Variants in RIMS1 observed in about 807,000 individuals in gnomAD.
RIMS1 encodes regulating synaptic membrane exocytosis 1.
In RIMS1, 83 loss-of-function variants were observed where a neutral mutation model predicts 214.1. The ratio of observed to expected loss-of-function variants is 0.39; its 90% CI spans 0.32 to 0.47. RIMS1 has a LOEUF of 0.47. Among genes scored for constraint, RIMS1 ranks in the 20% least tolerant of loss-of-function variants. RIMS1 has a pLI of 0.99. For synonymous variants in RIMS1, 793 were observed against 786.8 expected (o/e 1.01, Z -0.13); for missense variants, 2,050 against 2,161.8 (o/e 0.95, Z 1.03).
intron 1 of RIMS1, among the ~76,000 whole-genome samples, chr6:71,900,561 A>T (rs1773288512): frequency 6.6e-6 from 1 of 152,096 alleles, no homozygotes; most frequent in Admixed American, 6.6e-5. Flanking sequence ...TTAGAAGCAG[A>T]AACTTTGGTG....
At chr6:72,382,123 T>C (rs570380560) in intron 29 of RIMS1, among the ~76,000 whole-genome samples, 1 of 152,218 alleles carries the variant, frequency 6.6e-6, no homozygotes, top group East Asian at 1.9e-4. Flanking sequence ...GGAAGGAAAA[T>C]AGTGGAGTTT....
intron 6 of RIMS1, among the ~76,000 whole-genome samples, chr6:72,206,270 T>G (rs1180314848): frequency 6.6e-6 from 1 of 152,212 alleles, no homozygotes; most frequent in Non-Finnish European, 1.5e-5. Context: ...ACCTTCACTT[T>G]TCAATGAAGT....
At chr6:71,896,469 T>G (rs1311816013) in intron 1 of RIMS1, among the ~76,000 whole-genome samples, 1 of 152,100 alleles carries the variant, frequency 6.6e-6, no homozygotes, top group Non-Finnish European at 1.5e-5. Flanking sequence ...ACAACTATGA[T>G]GGATAATCAG....
chr6:72,143,623 T>C (rs1388185178), intron 4 of RIMS1, among the ~76,000 whole-genome samples: 3 of 152,218 alleles, frequency 2.0e-5, no homozygotes, highest in South Asian at 2.1e-4. Context: ...AGGTTCTACG[T>C]TGAAACCTTG....
chr6:72,076,154 A>C (rs1405486469), intron 2 of RIMS1, among the ~76,000 whole-genome samples: 1 of 152,230 alleles, frequency 6.6e-6, no homozygotes, highest in African/African-American at 2.4e-5. Flanking sequence ...TTATCCAGAC[A>C]CTATGCTAAG....
At chr6:72,371,425 T>C (rs1414007941) in intron 29 of RIMS1, among the ~76,000 whole-genome samples, 3 of 152,248 alleles carry the variant, frequency 2.0e-5, no homozygotes, top group Non-Finnish European at 4.4e-5. Context: ...CCTGTTTTTC[T>C]TTCTAGTAGA....
chr6:72,333,609 C>G lies in RIMS1; in HGVS notation c.4140C>G (p.Thr1380=). ...ERPRGRISSF[T]PKMQGRRMGT... is the part of the protein sequence containing the mutation. ...TACTTTGTAAATATAGTTCATTTAC[C>G]CCCAAAATGCAAGGCAGACGGATGG... Residue 1380 remains threonine (T), a synonymous_variant, in exon 29 of 34, where the codon ACC becomes ACG. Transcript: ENST00000521978. 1.3e-6 allele frequency: 2 copies of G among 1,585,230 alleles called. No individual in the cohort carries two copies. Among genetic ancestry groups the G allele is most frequent in the South Asian group, 2.3e-5 (2 of 86,686 alleles).
At chr6:72,177,840 C>A (rs1161132003) in intron 4 of RIMS1, among the ~76,000 whole-genome samples, 1 of 152,136 alleles carries the variant, frequency 6.6e-6, no homozygotes, top group Non-Finnish European at 1.5e-5. Context: ...GAGTACTGCA[C>A]CTTTTAATGT....
At chr6:71,916,118 TAAATA>T (rs1778339978) in intron 1 of RIMS1, among the ~76,000 whole-genome samples, 1 of 152,056 alleles carries the variant, frequency 6.6e-6, no homozygotes, top group South Asian at 2.1e-4. Context: ...AATTCTTTGA[TAAATA>T]AAATGGGTAT....
chr6:72,156,830 G>A lies in RIMS1; in HGVS notation c.472-22745G>A, dbSNP rs988291061. ...TTAATGTGAAAATGCTTACAAGTGC[G>A]AAAGCATTTATCCACATGTAATTAA... is the stretch of plus-strand genomic sequence containing the variant. On this transcript the variant is annotated intron_variant, in intron 4 of 33. Coordinates refer to ENST00000521978, the MANE Select transcript of RIMS1 (RefSeq NM_014989.7). Among the ~76,000 whole-genome samples, 48 of 140,834 alleles carry A rather than the reference G, an allele frequency of 3.4e-4. 6 individuals carry two copies. The highest frequency in any genetic ancestry group is 1.2e-3 in the Admixed American group (17 of 13,744). The allele number at this position is 140,834 out of a possible 152,430, so 92.4% of individuals were successfully genotyped here.
At chr6:72,158,525 C>T (rs1459769206) in intron 4 of RIMS1, among the ~76,000 whole-genome samples, 1 of 137,734 alleles carries the variant, frequency 7.3e-6, no homozygotes, top group Non-Finnish European at 1.6e-5. Flanking sequence ...CGTCATTTAA[C>T]ATTAGGTATA....
At chr6:72,274,494 AG>A in intron 23 of RIMS1, 62 bp downstream of exon 23, 1 of 1,271,550 alleles carries the variant, frequency 7.9e-7, no homozygotes. Context: ...CACCAACTGA[AG>A]GATAACCAAG....
chr6:72,392,868 T>C (rs1488913729), intron 31 of RIMS1, 58 bp downstream of exon 31: 3 of 1,175,316 alleles, frequency 2.6e-6, no homozygotes, highest in Non-Finnish European at 3.8e-6. Context: ...GACAAAGTCA[T>C]TTAAAATATT....
intron 6 of RIMS1, among the ~76,000 whole-genome samples, chr6:72,232,385 C>T (rs754775342): frequency 2.0e-5 from 3 of 151,522 alleles, no homozygotes; most frequent in Non-Finnish European, 4.4e-5. Context: ...TAAGAATAGT[C>T]GTGAACTTTT....
At chr6:72,233,364 A>C (rs2062742704) in intron 6 of RIMS1, among the ~76,000 whole-genome samples, 1 of 151,686 alleles carries the variant, frequency 6.6e-6, no homozygotes, top group African/African-American at 2.4e-5. Context: ...GATATTATTT[A>C]GTTCAGAAAG....
At chr6:72,007,073 C>G (rs955473115) in intron 2 of RIMS1, among the ~76,000 whole-genome samples, 3 of 152,178 alleles carry the variant, frequency 2.0e-5, no homozygotes, top group Non-Finnish European at 4.4e-5. Flanking sequence ...GAGGCCCCCC[C>G]AAGTAGGGGC....
chr6:72,111,964 C>T (rs1051683240), intron 4 of RIMS1, among the ~76,000 whole-genome samples: 1 of 152,112 alleles, frequency 6.6e-6, no homozygotes, highest in African/African-American at 2.4e-5. Context: ...GAGGAGACCA[C>T]CAAAGAGGCT....
At chr6:72,216,797 G>A (rs1415997323) in intron 6 of RIMS1, 4 of 990,632 alleles carry the variant, frequency 4.0e-6, no homozygotes, top group Non-Finnish European at 4.8e-6. Context: ...CATCTCTCTG[G>A]CTTCAGGAAG....
At chr6:72,242,556 A>T in intron 10 of RIMS1, 119 bp downstream of exon 10, 1 of 647,476 alleles carries the variant, frequency 1.5e-6, no homozygotes, top group South Asian at 2.7e-5. Context: ...TGCATCAATT[A>T]TGGGCATACA....
Sources: allele counts gnomAD v4.1 joint callset (sites outside exome capture counted in the v4.1 genomes callset), GRCh38; gene constraint gnomAD v4.1.1; transcripts MANE v1.5; gene names NCBI Gene and HGNC (gene_info 2026-07-23, HGNC 2026-07-21).